Variants in FBLN5 observed in about 807,000 individuals in gnomAD.
FBLN5 encodes the protein fibulin 5, also known as fibulin-5.
Under a neutral mutation model 61.6 loss-of-function variants are expected in FBLN5, and 24 were observed. That is an observed-to-expected ratio of 0.39 (90% CI 0.28 to 0.55). The LOEUF (loss-of-function observed/expected upper bound fraction) is 0.55, where lower values mean the gene tolerates loss of function less well. FBLN5 is among the 20% of genes least tolerant of loss of function. FBLN5 has a pLI of 0.65. For missense variants in FBLN5, 470 were observed against 594.1 expected, an observed-to-expected ratio of 0.79 and a Z score of 2.17; for synonymous variants, 213 against 219.8, an observed-to-expected ratio of 0.97 and a Z score of 0.27.
chr14:91,883,934 A>G (rs1889605226), intron 7 of FBLN5, among the ~76,000 whole-genome samples: 1 of 152,226 alleles, frequency 6.6e-6, no homozygotes, highest in East Asian at 1.9e-4. Flanking sequence ...CATCACACAC[A>G]GAGTTTGGCA....
chr14:91,896,476 C>T (rs1476627203), intron 4 of FBLN5, among the ~76,000 whole-genome samples: 1 of 152,070 alleles, frequency 6.6e-6, no homozygotes, highest in African/African-American at 2.4e-5. Context: ...GGAAGTAATA[C>T]TGAAAGCTGC....
chr14:91,929,741 G>A (rs759368658), intron 4 of FBLN5, among the ~76,000 whole-genome samples: 3 of 152,170 alleles, frequency 2.0e-5, no homozygotes, highest in Non-Finnish European at 2.9e-5. Flanking sequence ...CAGTTCTGTC[G>A]AAAAATAGAC....
intron 10 of FBLN5, among the ~76,000 whole-genome samples, chr14:91,872,872 G>A (rs1426802951): frequency 1.3e-5 from 2 of 152,176 alleles, no homozygotes; most frequent in Non-Finnish European, 2.9e-5. Context: ...CGTGAACAAA[G>A]ACCAAGAGTT....
intron 3 of FBLN5, chr14:91,938,262 G>A (rs962985030): frequency 3.2e-5 from 5 of 156,512 alleles, no homozygotes; most frequent in Non-Finnish European, 7.1e-5. Flanking sequence ...TTCAAGACCA[G>A]CCTCCCAACA....
chr14:91,870,506 C>CCAGGGAAAGAG, intron 10 of FBLN5, 121 bp from the exon 11 acceptor site: 1 of 937,456 alleles, frequency 1.1e-6, no homozygotes. Flanking sequence ...CTCAACTGTG[C>CCAGGGAAAGAG]CATGCTCTTT....
intron 4 of FBLN5, among the ~76,000 whole-genome samples, chr14:91,934,789 G>A (rs948688123): frequency 2.6e-5 from 4 of 151,720 alleles, no homozygotes; most frequent in African/African-American, 7.3e-5. Context: ...CCCACCTTCC[G>A]CCACGGTGCC....
At chr14:91,924,855 C>T (rs560349355) in intron 4 of FBLN5, among the ~76,000 whole-genome samples, 1 of 152,196 alleles carries the variant, frequency 6.6e-6, no homozygotes, top group Non-Finnish European at 1.5e-5. Context: ...CATCATACTT[C>T]ATCCCTGTCC....
At chr14:91,940,448 T>A in intron 3 of FBLN5, 117 bp downstream of exon 3, 4 of 881,200 alleles carry the variant, frequency 4.5e-6, no homozygotes. Flanking sequence ...AGTCATTCCA[T>A]GTCACTGTAT....
intron 3 of FBLN5, among the ~76,000 whole-genome samples, chr14:91,937,736 T>G (rs2056043313): frequency 6.6e-6 from 1 of 152,178 alleles, no homozygotes; most frequent in Non-Finnish European, 1.5e-5. Context: ...CCTCACCAGA[T>G]GGAGATCCTC....
chr14:91,936,569 C>T (rs932507182), intron 4 of FBLN5, among the ~76,000 whole-genome samples: 6 of 152,320 alleles, frequency 3.9e-5, no homozygotes, highest in Non-Finnish European at 8.8e-5. Flanking sequence ...CTGTCTAGAA[C>T]TTCCTCTGAG....
intron 10 of FBLN5, among the ~76,000 whole-genome samples, chr14:91,875,019 A>G (rs1889104112): frequency 6.6e-6 from 1 of 152,044 alleles, no homozygotes; most frequent in African/African-American, 2.4e-5. Context: ...TTGTAGAGAC[A>G]GGGTCTCACT....
chr14:91,919,790 G>T (rs1257713256), intron 4 of FBLN5, among the ~76,000 whole-genome samples: 1 of 152,162 alleles, frequency 6.6e-6, no homozygotes, highest in Admixed American at 6.5e-5. Flanking sequence ...CCCTCAAAAG[G>T]AGCCAACTCT....
intron 1 of FBLN5, among the ~76,000 whole-genome samples, chr14:91,945,706 C>A (rs551458328): frequency 6.6e-6 from 1 of 152,124 alleles, no homozygotes; most frequent in African/African-American, 2.4e-5. Context: ...TTAGGAGATG[C>A]GAGGCCATTT....
In FBLN5 at chr14:91,877,618, C is replaced by G. The variant is rs777780190; in HGVS notation, c.1054G>C (p.Asp352His). Residue 352 changes from aspartate (D) to histidine (H), a missense_variant, in exon 10 of 11, where the codon GAC (aspartate) becomes CAC (histidine). Transcript: ENST00000342058. ...RDQPFTILYR[D>H]MDVVSGRSVP... ...GAGCGTCCTGACACCACGTCCATGTCCCGGTACAAGATGGTAAAGGGCTGG... is the reference window on the plus strand; with the variant it reads ...GAGCGTCCTGACACCACGTCCATGTGCCGGTACAAGATGGTAAAGGGCTGG... 4 of 1,614,086 alleles carry G rather than the reference C, an allele frequency of 2.5e-6. No homozygotes were observed. In the South Asian group the frequency reaches 3.3e-5, roughly 13 times the overall value.
At chr14:91,876,352 C>T (rs1889161831) in intron 10 of FBLN5, among the ~76,000 whole-genome samples, 4 of 152,188 alleles carry the variant, frequency 2.6e-5, no homozygotes, top group Non-Finnish European at 5.9e-5. Context: ...CACAGTGACC[C>T]TGGAAGATCA....
intron 4 of FBLN5, among the ~76,000 whole-genome samples, chr14:91,911,104 T>C (rs1890908814): frequency 6.6e-6 from 1 of 152,036 alleles, no homozygotes; most frequent in African/African-American, 2.4e-5. Context: ...CCGCCTCAGC[T>C]TCCCAAGTGG....
rs367789507 is a variant in FBLN5, at chr14:91,870,420, G to A, written c.1186-35C>T. The A allele has an allele frequency of 4.3e-4, 688 of 1,611,216 alleles. 1 individual carries two copies. The highest frequency in any genetic ancestry group is 5.3e-4 in the Non-Finnish European group (626 of 1,178,992). On this transcript the variant is annotated intron_variant, in intron 10 of 10. Transcript: ENST00000342058. Reference sequence around the variant, plus strand: ...GAACCGGGGAACACCAGTGAGAAAAGGCCTGCATGGTGGCCCTGCAGCCCC... The same window carrying A: ...GAACCGGGGAACACCAGTGAGAAAAAGCCTGCATGGTGGCCCTGCAGCCCC...
intron 4 of FBLN5, among the ~76,000 whole-genome samples, chr14:91,904,512 G>A (rs773906817): frequency 3.3e-5 from 5 of 152,228 alleles, no homozygotes; most frequent in East Asian, 1.9e-4. Flanking sequence ...AATACTATGC[G>A]TGTCTTAGTC....
At chr14:91,944,051 C>T (rs904398573) in intron 1 of FBLN5, among the ~76,000 whole-genome samples, 8 of 152,032 alleles carry the variant, frequency 5.3e-5, no homozygotes, top group Middle Eastern at 3.2e-3. Flanking sequence ...CAAAAGCAGC[C>T]GGGTGTGGTG....
Sources: allele counts gnomAD v4.1 joint callset (sites outside exome capture counted in the v4.1 genomes callset), GRCh38; gene constraint gnomAD v4.1.1; transcripts MANE v1.5; gene names NCBI Gene and HGNC (gene_info 2026-07-23, HGNC 2026-07-21).